INSYN1: variants seen among roughly 807,000 people sequenced by gnomAD.
The protein encoded by INSYN1 is UPF0583 protein C15orf59.
INSYN1 carries 7 observed loss-of-function variants against 17.1 expected under a neutral mutation model. That is an observed-to-expected ratio of 0.41 (90% confidence interval 0.23 to 0.77). The LOEUF (loss-of-function observed/expected upper bound fraction) is 0.77. Among genes scored for constraint, INSYN1 ranks in the 30% least tolerant of loss-of-function variants. The pLI, the probability that INSYN1 is intolerant of heterozygous loss-of-function variation, is 0.32. For synonymous variants in INSYN1, 174 were observed against 166.3 expected (o/e 1.05, Z -0.36); for missense variants, 339 against 400.6 (o/e 0.85, Z 1.31).
chr15:73,743,745 T>A (rs1901746262), intron 2 of INSYN1, among the ~76,000 whole-genome samples: 1 of 139,966 alleles, frequency 7.1e-6, no homozygotes, highest in Non-Finnish European at 1.5e-5. Context: ...CAGAGGAATC[T>A]CTTGAACCCA....
intron 2 of INSYN1, among the ~76,000 whole-genome samples, chr15:73,748,142 C>T (rs1360397892): frequency 3.3e-5 from 5 of 152,172 alleles, no homozygotes; most frequent in Non-Finnish European, 7.4e-5. Context: ...CAAATCACCA[C>T]ATCCCAATTT....
At chr15:73,742,549 T>C (rs1901715747) in intron 2 of INSYN1, among the ~76,000 whole-genome samples, 1 of 152,170 alleles carries the variant, frequency 6.6e-6, no homozygotes, top group Non-Finnish European at 1.5e-5. Flanking sequence ...ATGAGGAGTC[T>C]TGGGCACTAG....
In INSYN1 at chr15:73,740,352, G is replaced by A; in HGVS notation, c.447C>T (p.Pro149=). The stretch of plus-strand genomic sequence containing the variant: ...CTGGGGTCTCCACTCGTGGCCCATT[G>A]GGGATGGGCGTGCCACCATTCATGA... ...YRLMNGGTPI[P]NGPRVETPDS... Residue 149 remains proline, a synonymous_variant, in exon 3 of 3, where the codon CCC becomes CCT. Transcript: ENST00000569673. The A allele has an allele frequency of 6.2e-7, 1 of 1,607,292 alleles. No homozygotes were observed. The highest frequency in any genetic ancestry group is 8.5e-7 in the Non-Finnish European group (1 of 1,176,672).
intron 2 of INSYN1, among the ~76,000 whole-genome samples, chr15:73,747,894 C>G (rs570223364): frequency 7.9e-5 from 12 of 152,290 alleles, no homozygotes; most frequent in African/African-American, 2.9e-4. Context: ...GCTTTCAAAG[C>G]ACTTTTACAT....
chr15:73,740,184 G>A lies in INSYN1; in HGVS notation c.615C>T (p.Asp205=), dbSNP rs138360089. The change falls in exon 3 of 3, where the codon GAC becomes GAT. Residue 205 remains aspartate (D), a synonymous_variant. Coordinates refer to ENST00000569673, the MANE Select transcript of INSYN1 (RefSeq NM_001039614.3). ...HALCCDDEEG[D]GEQEVEEEEV... ...CTTCCTCCTCCACCTCCTGCTCACC[G>A]TCCCCCTCCTCATCGTCACAGCACA... 3.6e-5 allele frequency: 58 copies of A among 1,613,908 alleles called. No homozygotes were observed. Among genetic ancestry groups the A allele is most frequent in the Admixed American group, 5.0e-5 (3 of 59,986 alleles).
At chr15:73,748,493 T>C (rs1901896488) in intron 2 of INSYN1, among the ~76,000 whole-genome samples, 1 of 152,070 alleles carries the variant, frequency 6.6e-6, no homozygotes, top group Admixed American at 6.5e-5. Flanking sequence ...GCCCAGGTCA[T>C]GGGGTGAGGT....
Position 73,739,938 on chromosome 15 carries a change from C to A in INSYN1, c.861G>T (p.Gln287His). Residue 287 changes from glutamine to histidine, a missense_variant, in exon 3 of 3, where the codon CAG (glutamine) becomes CAT (histidine). By Grantham distance (24) the Gln-to-His change is conservative (BLOSUM62 0). Coordinates refer to ENST00000569673, the MANE Select transcript of INSYN1 (RefSeq NM_001039614.3). ...QTVLPYTATRQKARGKN is the reference protein window; with the variant it reads ...QTVLPYTATRHKARGKN ...GCCCCTAGTTTTTCCCCCTGGCTTT[C>A]TGTCTAGTGGCTGTGTAGGGCAGAA... 1 of 1,322,992 alleles carries A rather than the reference C, an allele frequency of 7.6e-7. No individual in the cohort carries two copies. Among genetic ancestry groups the A allele is most frequent in the Non-Finnish European group, 1.0e-6 (1 of 965,130 alleles). The allele number at this position is 1,322,992 out of a possible 1,614,324, so 82.0% of individuals were successfully genotyped here. A position where few individuals can be genotyped will look rare whatever the true frequency, so the allele number is the denominator to read the frequency against.
chr15:73,740,876 T>A (rs1017978654), intron 2 of INSYN1, among the ~76,000 whole-genome samples: 8 of 152,302 alleles, frequency 5.3e-5, no homozygotes, highest in African/African-American at 1.7e-4. Context: ...AAGGTCTGTT[T>A]ACCACTGTTC....
Position 73,739,757 on chromosome 15 carries a change from A to T in INSYN1, c.*160T>A, listed in dbSNP as rs1901623669. 5.3e-6 allele frequency: 1 copy of T among 187,158 alleles called. No homozygotes were observed. The highest frequency in any genetic ancestry group is 6.1e-5 in the Admixed American group (1 of 16,522). 11.6% of individuals were successfully genotyped at this position (187,158 alleles called of 1,614,324 possible). On this transcript the variant is annotated 3_prime_UTR_variant, in exon 3 of 3. Transcript: ENST00000569673. ...AGGCCAATGGGCATCTTCATGTCTA[A>T]GAGGAGCTCTGTGAAAGCTTTGGGG...
At chr15:73,749,389 A>C (rs1901918651) in intron 2 of INSYN1, among the ~76,000 whole-genome samples, 1 of 152,118 alleles carries the variant, frequency 6.6e-6, no homozygotes, top group South Asian at 2.1e-4. Context: ...CTGGGTGGCT[A>C]TGCGGTGGGG....
Position 73,738,314 on chromosome 15 carries a change from G to A in INSYN1, c.*1603C>T, listed in dbSNP as rs906514564. ...CACAGCCTGGAAATCACTAATTCTT[G>A]GGGGCAGAGTAGCACAGGCTTTGTG... On this transcript the variant is annotated 3_prime_UTR_variant, in exon 3 of 3. Coordinates refer to ENST00000569673, the MANE Select transcript of INSYN1 (RefSeq NM_001039614.3). The A allele has an allele frequency of 1.3e-5, 2 of 152,316 alleles. No individual in the cohort carries two copies. Among genetic ancestry groups the A allele is most frequent in the African/African-American group, 2.4e-5 (1 of 41,470 alleles). 9.4% of individuals were successfully genotyped at this position (152,316 alleles called of 1,614,324 possible).
chr15:73,743,012 T>C (rs1596037418), intron 2 of INSYN1, among the ~76,000 whole-genome samples: 3 of 152,206 alleles, frequency 2.0e-5, no homozygotes, highest in Admixed American at 2.0e-4. Flanking sequence ...ATTCAAGGCA[T>C]TGATGGCCTC....
At chr15:73,744,397 C>G (rs1239358139) in intron 2 of INSYN1, among the ~76,000 whole-genome samples, 1 of 152,176 alleles carries the variant, frequency 6.6e-6, no homozygotes, top group Non-Finnish European at 1.5e-5. Flanking sequence ...GGCTATGAGG[C>G]CCACAGGCAA....
rs1901665119 is a variant in INSYN1 at position 73,740,506 on chromosome 15, A to T, written c.293T>A (p.Leu98Gln). Residue 98 changes from leucine to glutamine, a missense_variant, in exon 3 of 3, where the codon CTG becomes CAG. Coordinates refer to ENST00000569673, the MANE Select transcript of INSYN1 (RefSeq NM_001039614.3). ...GAGGATATCGGCTGTCATGAAGTCC[A>T]GGTGGCCCAGGTCAAAGGGGCCACC... ...GMGGPFDLGHLDFMTADILSD... is the reference protein window; with the variant it reads ...GMGGPFDLGHQDFMTADILSD... 6 of 1,614,034 alleles carry T rather than the reference A, an allele frequency of 3.7e-6. No individual in the cohort carries two copies. Among genetic ancestry groups the T allele is most frequent in the Non-Finnish European group, 5.1e-6 (6 of 1,180,036 alleles).
chr15:73,743,859 G>GAAAGAAAGAA (rs1901757182), intron 2 of INSYN1, among the ~76,000 whole-genome samples: 2 of 69,486 alleles, frequency 2.9e-5, no homozygotes, highest in Non-Finnish European at 6.0e-5. Context: ...AAAAAAAAAA[G>GAAAGAAAGAA]AAAGAAAAAG....
chr15:73,736,790 G>C lies in INSYN1; in HGVS notation c.*3127C>G, dbSNP rs1901539931. On this transcript the variant is annotated 3_prime_UTR_variant, in exon 3 of 3. Coordinates refer to ENST00000569673, the MANE Select transcript of INSYN1 (RefSeq NM_001039614.3). The stretch of plus-strand genomic sequence containing the variant: ...GGGTGCCTGTAGTCCAAGCTACTCA[G>C]GTGGCTGAGACAGGAGAATTGTTTG... 6.6e-6 allele frequency: 1 copy of C among 152,226 alleles called. No individual in the cohort carries two copies. The allele number at this position is 152,226 out of a possible 1,614,324, so 9.4% of individuals were successfully genotyped here.
intron 2 of INSYN1, among the ~76,000 whole-genome samples, chr15:73,744,678 A>G (rs774429475): frequency 6.6e-6 from 1 of 152,184 alleles, no homozygotes; most frequent in Non-Finnish European, 1.5e-5. Context: ...CATTTTGCCT[A>G]CATGTAATTT....
Position 73,751,514 on chromosome 15 carries a change from A to G in INSYN1, c.-384T>C. 1 of 232,500 alleles carries G rather than the reference A, an allele frequency of 4.3e-6. No homozygotes were observed. The highest frequency in any genetic ancestry group is 8.1e-5 in the South Asian group (1 of 12,382). The allele number at this position is 232,500 out of a possible 1,614,324, so 14.4% of individuals were successfully genotyped here. A position where few individuals can be genotyped will look rare whatever the true frequency, so the allele number is the denominator to read the frequency against. ...ACTCTGCAGGGACTAAGGGTAAGAGATGCCCTTGGGATGGGGGAAGGCAGC... is the reference window on the plus strand; with the variant it reads ...ACTCTGCAGGGACTAAGGGTAAGAGGTGCCCTTGGGATGGGGGAAGGCAGC... On this transcript the variant is annotated 5_prime_UTR_variant, in exon 2 of 3. Transcript: ENST00000569673.
Position 73,736,113 on chromosome 15 carries a change from G to A in INSYN1, c.*3804C>T, listed in dbSNP as rs908753731. The A allele has an allele frequency of 6.6e-6, 1 of 152,374 alleles. No homozygotes were observed. The highest frequency in any genetic ancestry group is 1.5e-5 in the Non-Finnish European group (1 of 68,172). The allele number at this position is 152,374 out of a possible 1,614,324, so 9.4% of individuals were successfully genotyped here. ...ACTCAAAAACTGGCAAAGGTTTGGAGGCAGGGAAGAGCAGCAAAGGGCTGT... is the reference window on the plus strand; with the variant it reads ...ACTCAAAAACTGGCAAAGGTTTGGAAGCAGGGAAGAGCAGCAAAGGGCTGT... On this transcript the variant is annotated 3_prime_UTR_variant, in exon 3 of 3. Transcript: ENST00000569673.
Sources: gnomAD v4.1 joint callset for allele counts (sites outside exome capture counted in the v4.1 genomes callset) on GRCh38, gnomAD v4.1.1 for gene constraint, MANE v1.5 for transcripts, NCBI Gene and HGNC (gene_info 2026-07-23, HGNC 2026-07-21) for gene names.